Variants in ITSN1 observed in about 807,000 individuals in gnomAD.
ITSN1 encodes intersectin-1.
In ITSN1, 58 loss-of-function variants were observed where a neutral mutation model predicts 239.8. The observed-to-expected ratio is 0.24, with a 90% CI of 0.20 to 0.30. The LOEUF (loss-of-function observed/expected upper bound fraction) is 0.30. Ranked by LOEUF, ITSN1 falls within the 10% of genes least tolerant of loss-of-function variation. The pLI, the probability that ITSN1 is intolerant of heterozygous loss-of-function variation, is 1.00. For synonymous variants in ITSN1, 780 were observed against 770.8 expected (o/e 1.01, Z -0.20); for missense variants, 1,558 against 2,103.3 (o/e 0.74, Z 5.07).
chr21:33,748,991 T>C (rs2067371108), intron 5 of ITSN1, among the ~76,000 whole-genome samples: 1 of 36,810 alleles, frequency 2.7e-5, no homozygotes, highest in African/African-American at 1.9e-4. Flanking sequence ...CTTTTTTACT[T>C]TTTTTTTTTT....
chr21:33,740,184 G>A (rs1474225786), intron 5 of ITSN1, among the ~76,000 whole-genome samples: 1 of 152,176 alleles, frequency 6.6e-6, no homozygotes, highest in Non-Finnish European at 1.5e-5. Flanking sequence ...GTGATTTTGA[G>A]AGTCCTAGTA....
chr21:33,679,441 A>G (rs1330289450), intron 1 of ITSN1, among the ~76,000 whole-genome samples: 1 of 152,186 alleles, frequency 6.6e-6, no homozygotes, highest in Non-Finnish European at 1.5e-5. Context: ...TACTCAGTTA[A>G]TTAGAAATGC....
At chr21:33,708,613 G>A (rs1017654399) in intron 1 of ITSN1, among the ~76,000 whole-genome samples, 8 of 152,106 alleles carry the variant, frequency 5.3e-5, no homozygotes, top group African/African-American at 1.4e-4. Context: ...CTGGAACTCC[G>A]GACCTCAGGT....
At chr21:33,660,400 A>G (rs984480741) in intron 1 of ITSN1, among the ~76,000 whole-genome samples, 3 of 152,246 alleles carry the variant, frequency 2.0e-5, no homozygotes, top group African/African-American at 7.2e-5. Context: ...CAGATTAGAA[A>G]TTAAAACCAA....
intron 7 of ITSN1, among the ~76,000 whole-genome samples, chr21:33,754,714 A>T (rs187837797): frequency 1.1e-4 from 16 of 152,324 alleles, no homozygotes. Flanking sequence ...AGCTGTCTCC[A>T]TTCCCACTCT....
At chr21:33,703,725 A>T (rs544828535) in intron 1 of ITSN1, among the ~76,000 whole-genome samples, 3 of 152,198 alleles carry the variant, frequency 2.0e-5, no homozygotes, top group African/African-American at 7.2e-5. Flanking sequence ...TTTTTCACCT[A>T]TCTTTTCAGT....
intron 2 of ITSN1, among the ~76,000 whole-genome samples, chr21:33,720,574 T>A (rs2065423454): frequency 6.6e-6 from 1 of 152,186 alleles, no homozygotes; most frequent in Non-Finnish European, 1.5e-5. Context: ...TCTTTTTTTT[T>A]AAGTCTGTTT....
intron 29 of ITSN1, among the ~76,000 whole-genome samples, chr21:33,845,725 A>C (rs947500138): frequency 6.6e-6 from 1 of 152,252 alleles, no homozygotes; most frequent in African/African-American, 2.4e-5. Context: ...GAGCCTGCTC[A>C]GTGTTCTTTC....
At chr21:33,878,684 C>G (rs539106440) in intron 34 of ITSN1, among the ~76,000 whole-genome samples, 8 of 152,324 alleles carry the variant, frequency 5.3e-5, no homozygotes, top group African/African-American at 1.4e-4. Context: ...GAAGCAGCCC[C>G]GTGGAAGCCG....
intron 29 of ITSN1, among the ~76,000 whole-genome samples, chr21:33,855,941 A>G (rs1979237558): frequency 6.6e-6 from 1 of 152,206 alleles, no homozygotes; most frequent in Non-Finnish European, 1.5e-5. Flanking sequence ...CTCATCCTCC[A>G]CAAACCAACC....
chr21:33,886,510 T>G (rs1460318921), intron 39 of ITSN1, 50 bp downstream of exon 39: 2 of 1,465,518 alleles, frequency 1.4e-6, no homozygotes, highest in Non-Finnish European at 1.8e-6. Flanking sequence ...GGCACTCGTT[T>G]GCGTGGGTTA....
chr21:33,704,923 T>TAAAAAAAAAAAAA (rs55966725), intron 1 of ITSN1, among the ~76,000 whole-genome samples: 34 of 93,616 alleles, frequency 3.6e-4, no homozygotes, highest in Middle Eastern at 5.7e-3. Context: ...CCATCTCTAC[T>TAAAAAAAAAAAAA]AAAAAAAAAA....
chr21:33,763,218 C>T (rs1448993529), intron 9 of ITSN1, among the ~76,000 whole-genome samples: 2 of 138,164 alleles, frequency 1.4e-5, no homozygotes, highest in African/African-American at 2.7e-5. Flanking sequence ...TCCCCCAGGC[C>T]GCCCCCCAAC....
intron 7 of ITSN1, among the ~76,000 whole-genome samples, chr21:33,752,544 T>G (rs1298417569): frequency 6.6e-6 from 1 of 152,200 alleles, no homozygotes; most frequent in Non-Finnish European, 1.5e-5. Flanking sequence ...GTTTTACCCT[T>G]GCATACTGCT....
At chr21:33,701,275 A>G (rs927798915) in intron 1 of ITSN1, among the ~76,000 whole-genome samples, 1 of 151,824 alleles carries the variant, frequency 6.6e-6, no homozygotes, top group Non-Finnish European at 1.5e-5. Context: ...GTTTTTGTGT[A>G]TTTTTTGTAG....
chr21:33,690,759 T>G (rs1467628150), intron 1 of ITSN1, among the ~76,000 whole-genome samples: 5 of 83,454 alleles, frequency 6.0e-5, no homozygotes, highest in African/African-American at 2.5e-4. Flanking sequence ...AGGCTCTGCC[T>G]CAGAAAAAAA....
chr21:33,870,503 C>T (rs1017165329), intron 33 of ITSN1, among the ~76,000 whole-genome samples: 2 of 152,186 alleles, frequency 1.3e-5, no homozygotes, highest in African/African-American at 4.8e-5. Flanking sequence ...CTATGAGATA[C>T]ATATGAAATC....
Position 33,781,511 on chromosome 21 carries a change from T to A in ITSN1, c.1647T>A (p.Asn549Lys), listed in dbSNP as rs775681162. 6.3e-7 allele frequency: 1 copy of A among 1,594,592 alleles called. No individual in the cohort carries two copies. The highest frequency in any genetic ancestry group is 8.5e-7 in the Non-Finnish European group (1 of 1,170,856). ...TTATTCCAGAAAAACAGATACTCAA[T>A]GACCAATTAAAACAAGTTCAGCAGA... ...GRLIPEKQILNDQLKQVQQNS... is the reference protein window; with the variant it reads ...GRLIPEKQILKDQLKQVQQNS... The change falls in exon 15 of 40, where the codon AAT becomes AAA. Residue 549 changes from asparagine (N) to lysine (K), a missense_variant. This residue lies in a region of ITSN1 where 982 missense variants were observed against 1,209.9 expected (regional missense o/e 0.81). Coordinates refer to ENST00000381318, the MANE Select transcript of ITSN1 (RefSeq NM_003024.3).
intron 34 of ITSN1, among the ~76,000 whole-genome samples, chr21:33,878,626 C>T (rs1052310661): frequency 6.6e-6 from 1 of 152,208 alleles, no homozygotes. Flanking sequence ...CTCCACGGCC[C>T]CATCTCCTGT....
Sources: gnomAD v4.1 joint callset for allele counts (sites outside exome capture counted in the v4.1 genomes callset) on GRCh38, gnomAD v4.1.1 for gene constraint, gnomAD v4.1.1 regional missense constraint, MANE v1.5 for transcripts, NCBI Gene and HGNC (gene_info 2026-07-23, HGNC 2026-07-21) for gene names.